Variants in BTBD9 observed in about 807,000 individuals in gnomAD.
BTBD9 encodes the protein BTB/POZ domain-containing protein 9.
A neutral mutation model predicts 64.3 loss-of-function variants in BTBD9; 49 were observed. That is an observed-to-expected ratio of 0.76 (90% confidence interval 0.61 to 0.97). The LOEUF is 0.97. Among genes scored for constraint, BTBD9 ranks in the 50% least tolerant of loss-of-function variants. The pLI is 0.00. For missense variants in BTBD9, 598 were observed against 762.1 expected (o/e 0.78, Z 2.53); for synonymous variants, 260 against 274.7 (o/e 0.95, Z 0.53).
chr6:38,483,221 C>G (rs566504865), intron 6 of BTBD9, among the ~76,000 whole-genome samples: 2 of 152,192 alleles, frequency 1.3e-5, no homozygotes, highest in African/African-American at 4.8e-5. Flanking sequence ...CTATTCCCTT[C>G]TCCCTTGACT....
intron 9 of BTBD9, among the ~76,000 whole-genome samples, chr6:38,194,111 T>C (rs1276556764): frequency 2.0e-5 from 3 of 152,134 alleles, no homozygotes; most frequent in African/African-American, 7.2e-5. Context: ...CCCCCAGCTC[T>C]CTTGGGGAGT....
At chr6:38,593,812 G>A (rs1562391331) in intron 3 of BTBD9, 152 bp downstream of exon 3, 1 of 653,936 alleles carries the variant, frequency 1.5e-6, no homozygotes, top group Non-Finnish European at 2.5e-6. Context: ...AGTCCTGGTA[G>A]CTAGATGCAA....
chr6:38,171,858 AAAAAAAAAAAAAAAAAAAAAAAAATAAT>A lies in BTBD9; in HGVS notation c.*3099_*3126del, dbSNP rs1482719899. 1.3e-5 allele frequency: 1 copy of A among 74,264 alleles called. No homozygotes were observed. The highest frequency in any genetic ancestry group is 4.1e-4 in the South Asian group (1 of 2,466). The allele number at this position is 74,264 out of a possible 1,614,324, so 4.6% of individuals were successfully genotyped here. ...GCCTTTCTACTCTCAAAAAAAAAAA[AAAAAAAAAAAAAAAAAAAAAAAAATAAT>A]AATAATAATAATAATAATAATAATG... On this transcript the variant is annotated 3_prime_UTR_variant, in exon 11 of 11. Coordinates refer to ENST00000481247, the MANE Select transcript of BTBD9 (RefSeq NM_001099272.2).
chr6:38,632,237 A>C (rs1273583825), intron 1 of BTBD9, among the ~76,000 whole-genome samples: 2 of 152,260 alleles, frequency 1.3e-5, no homozygotes, highest in African/African-American at 4.8e-5. Context: ...CAGAATTATA[A>C]ATTTATAGAA....
At chr6:38,590,734 C>T (rs1219271457) in intron 4 of BTBD9, among the ~76,000 whole-genome samples, 1 of 152,148 alleles carries the variant, frequency 6.6e-6, no homozygotes, top group Non-Finnish European at 1.5e-5. Flanking sequence ...TTTTAAATTT[C>T]TGAAATCGCA....
chr6:38,299,424 A>G (rs1486775785), intron 7 of BTBD9, among the ~76,000 whole-genome samples: 1 of 152,222 alleles, frequency 6.6e-6, no homozygotes, highest in Non-Finnish European at 1.5e-5. Context: ...TCCCTGAGGA[A>G]TCGCCACACT....
chr6:38,188,088 C>T (rs1196356429), intron 10 of BTBD9, among the ~76,000 whole-genome samples: 1 of 152,232 alleles, frequency 6.6e-6, no homozygotes, highest in African/African-American at 2.4e-5. Flanking sequence ...CAAGAAATCC[C>T]AGTCCGCCTT....
rs869155666 is a variant in BTBD9 at position 38,171,846 on chromosome 6, C to CAAAAAAA, written c.*3132_*3138dup. 53 of 79,156 alleles carry CAAAAAAA rather than the reference C, an allele frequency of 6.7e-4. No homozygotes were observed. Among genetic ancestry groups the CAAAAAAA allele is most frequent in the Non-Finnish European group, 9.0e-4 (41 of 45,660 alleles). The allele number at this position is 79,156 out of a possible 1,614,324, so 4.9% of individuals were successfully genotyped here. ...TCCAATGAAGTTGCCTTTCTACTCT[C>CAAAAAAA]AAAAAAAAAAAAAAAAAAAAAAAAA... On this transcript the variant is annotated 3_prime_UTR_variant, in exon 11 of 11. Transcript: ENST00000481247.
At chr6:38,637,588 G>C (rs1047632555) in intron 1 of BTBD9, among the ~76,000 whole-genome samples, 10 of 152,108 alleles carry the variant, frequency 6.6e-5, no homozygotes, top group African/African-American at 2.4e-4. Flanking sequence ...ACCTCAGAGA[G>C]ATAATCCCAA....
intron 10 of BTBD9, among the ~76,000 whole-genome samples, chr6:38,176,565 C>T (rs1761261187): frequency 6.6e-6 from 1 of 152,158 alleles, no homozygotes; most frequent in South Asian, 2.1e-4. Context: ...ATGTCTCCCT[C>T]CTTTTCCTTT....
chr6:38,607,220 A>C (rs1370331241), intron 1 of BTBD9, among the ~76,000 whole-genome samples: 1 of 152,198 alleles, frequency 6.6e-6, no homozygotes, highest in African/African-American at 2.4e-5. Flanking sequence ...GCATCAATAT[A>C]TACTACAGGG....
At chr6:38,202,988 A>C (rs1762516648) in intron 9 of BTBD9, among the ~76,000 whole-genome samples, 2 of 152,036 alleles carry the variant, frequency 1.3e-5, no homozygotes, top group Admixed American at 1.3e-4. Context: ...GTACAAATAA[A>C]AATTTCATTA....
chr6:38,227,620 A>G (rs1389175361), intron 9 of BTBD9, among the ~76,000 whole-genome samples: 3 of 152,212 alleles, frequency 2.0e-5, no homozygotes, highest in Non-Finnish European at 4.4e-5. Context: ...CAGAGAGGCC[A>G]TAAAGACTCC....
At chr6:38,552,010 AC>A (rs906148679) in intron 6 of BTBD9, among the ~76,000 whole-genome samples, 1 of 152,218 alleles carries the variant, frequency 6.6e-6, no homozygotes, top group African/African-American at 2.4e-5. Context: ...TCTGCCATTT[AC>A]CATTCTCTCC....
intron 6 of BTBD9, among the ~76,000 whole-genome samples, chr6:38,499,155 A>AC (rs150432344): frequency 6.6e-6 from 1 of 151,802 alleles, no homozygotes; most frequent in African/African-American, 2.4e-5. Context: ...AAAAAAAAAA[A>AC]CAGAGAAAAA....
chr6:38,406,005 T>C (rs762471333), intron 6 of BTBD9, among the ~76,000 whole-genome samples: 7 of 152,228 alleles, frequency 4.6e-5, no homozygotes, highest in African/African-American at 7.2e-5. Flanking sequence ...AGGATGTTAA[T>C]GAGCTATGAC....
chr6:38,561,717 TGAGTGG>T (rs1775272042), intron 6 of BTBD9, among the ~76,000 whole-genome samples: 1 of 152,110 alleles, frequency 6.6e-6, no homozygotes, highest in East Asian at 1.9e-4. Flanking sequence ...CTCTTACTCA[TGAGTGG>T]GAGCTAAACA....
intron 6 of BTBD9, among the ~76,000 whole-genome samples, chr6:38,455,322 A>G (rs1769746276): frequency 6.6e-6 from 1 of 152,102 alleles, no homozygotes; most frequent in South Asian, 2.1e-4. Context: ...TCTGCTTTCC[A>G]TTGCTATCAT....
At chr6:38,328,356 T>G (rs531506402) in intron 7 of BTBD9, among the ~76,000 whole-genome samples, 2 of 152,238 alleles carry the variant, frequency 1.3e-5, no homozygotes, top group South Asian at 4.1e-4. Flanking sequence ...TAATCCAATA[T>G]GACTGATGTC....
Sources: gnomAD v4.1 joint callset for allele counts (sites outside exome capture counted in the v4.1 genomes callset) on GRCh38, gnomAD v4.1.1 for gene constraint, MANE v1.5 for transcripts, NCBI Gene and HGNC (gene_info 2026-07-23, HGNC 2026-07-21) for gene names.